NHSL2: variants seen among roughly 807,000 people sequenced by gnomAD.
NHSL2 encodes the protein NHS like 2, also known as NHS-like protein 2.
In NHSL2, 27 loss-of-function variants were observed where a neutral mutation model predicts 53.4. The ratio of observed to expected loss-of-function variants is 0.51; its 90% CI spans 0.37 to 0.70. The LOEUF (loss-of-function observed/expected upper bound fraction) is 0.70, where lower values mean the gene tolerates loss of function less well. Among genes scored for constraint, NHSL2 ranks in the 30% least tolerant of loss-of-function variants. NHSL2 has a pLI of 0.00. For missense variants in NHSL2, 892 were observed against 980.1 expected (o/e 0.91, Z 1.20); for synonymous variants, 408 against 404.1 (o/e 1.01, Z -0.12).
At chrX:72,005,135 T>A (rs1480005408) in intron 1 of NHSL2, among the ~76,000 whole-genome samples, 2 of 112,514 alleles carry the variant, frequency 1.8e-5, no homozygotes, top group East Asian at 5.6e-4. Context: ...TTAATTTTTT[T>A]AAACAACTTT....
In NHSL2 at chrX:72,143,272, G is replaced by A. The variant is rs147162390; in HGVS notation, c.3376G>A (p.Gly1126Ser). The A allele has an allele frequency of 9.5e-6, 11 of 1,155,998 alleles. No homozygotes were observed. The highest frequency in any genetic ancestry group is 3.6e-5 in the African/African-American group (2 of 55,170). The change falls in exon 8 of 8, where the codon GGC (glycine) becomes AGC (serine). Residue 1126 changes from glycine (G) to serine (S), a missense_variant. Transcript: ENST00000633930. ...ATCTAGGTCCAAAAGGAAGCTGCTC[G>A]GCTGGAAGGAACCTGGTGAGGCCTT... ...VIHRSKRKLL[G>S]WKEPGEAFVG...
At chrX:71,994,952 C>G (rs1392627607) in intron 1 of NHSL2, among the ~76,000 whole-genome samples, 2 of 111,510 alleles carry the variant, frequency 1.8e-5, no homozygotes, top group Non-Finnish European at 3.8e-5. Context: ...TAGGCATCCA[C>G]TTGGGCATCT....
At chrX:72,135,827 G>A (rs976392645) in intron 4 of NHSL2, among the ~76,000 whole-genome samples, 1 of 111,556 alleles carries the variant, frequency 9.0e-6, no homozygotes, top group African/African-American at 3.3e-5. Context: ...TTGAGCTCAG[G>A]AATTCAAGAC....
chrX:71,975,323 G>A (rs2041943501), intron 1 of NHSL2, among the ~76,000 whole-genome samples: 1 of 111,190 alleles, frequency 9.0e-6, no homozygotes, highest in Admixed American at 9.5e-5. Flanking sequence ...AATCTCTGTT[G>A]GGAGCACAAC....
intron 1 of NHSL2, among the ~76,000 whole-genome samples, chrX:71,919,934 C>T (rs1192110432): frequency 8.9e-6 from 1 of 112,842 alleles, no homozygotes; most frequent in Non-Finnish European, 1.9e-5. Context: ...CTGTTTTCTT[C>T]CCCTTGGGAT....
chrX:72,004,588 T>C (rs1401506019), intron 1 of NHSL2, among the ~76,000 whole-genome samples: 19 of 111,443 alleles, frequency 1.7e-4, no homozygotes, highest in Admixed American at 1.7e-3. Context: ...CTGGAAGTGT[T>C]TGGGGCTGTG....
intron 1 of NHSL2, among the ~76,000 whole-genome samples, chrX:72,018,229 C>G (rs1299041212): frequency 9.0e-6 from 1 of 111,381 alleles, no homozygotes; most frequent in Non-Finnish European, 1.9e-5. Context: ...GTTAGGGGGA[C>G]CATGCAGCTT....
chrX:72,075,100 G>A (rs1037308844), intron 1 of NHSL2, among the ~76,000 whole-genome samples: 2 of 111,802 alleles, frequency 1.8e-5, no homozygotes, highest in African/African-American at 6.5e-5. Context: ...TTGGAGAGAG[G>A]CAGCTACAAG....
chrX:72,085,372 C>T (rs747204334), intron 1 of NHSL2, among the ~76,000 whole-genome samples: 3 of 112,438 alleles, frequency 2.7e-5, no homozygotes, highest in South Asian at 7.4e-4. Context: ...TTAACCTGCC[C>T]GGTATGCTTT....
chrX:71,976,931 G>A (rs1295171385), intron 1 of NHSL2, among the ~76,000 whole-genome samples: 3 of 112,616 alleles, frequency 2.7e-5, no homozygotes, highest in African/African-American at 9.7e-5. Flanking sequence ...ATGATACGGG[G>A]TGGGTTGGGG....
chrX:71,954,246 G>A (rs1189967478), intron 1 of NHSL2, among the ~76,000 whole-genome samples: 3 of 111,892 alleles, frequency 2.7e-5, no homozygotes, highest in African/African-American at 9.7e-5. Flanking sequence ...AACCAGCCCA[G>A]TAGGTGTCAT....
At chrX:72,075,269 G>C (rs1054284411) in intron 1 of NHSL2, among the ~76,000 whole-genome samples, 1 of 112,159 alleles carries the variant, frequency 8.9e-6, no homozygotes, top group Non-Finnish European at 1.9e-5. Context: ...AAATGATCTG[G>C]GACATTCTCA....
chrX:72,130,092 G>A (rs750913102), intron 1 of NHSL2: 21 of 1,208,911 alleles, frequency 1.7e-5, no homozygotes, highest in Non-Finnish European at 2.2e-5. Flanking sequence ...CACTTGTGGG[G>A]CCAGAAGTCT....
chrX:71,915,065 C>T (rs1437315324), intron 1 of NHSL2, among the ~76,000 whole-genome samples: 1 of 111,444 alleles, frequency 9.0e-6, no homozygotes, highest in African/African-American at 3.3e-5. Flanking sequence ...AATTCCTGGT[C>T]TGCTTCATGG....
intron 1 of NHSL2, among the ~76,000 whole-genome samples, chrX:72,056,591 G>C (rs2042371306): frequency 9.0e-6 from 1 of 110,734 alleles, no homozygotes; most frequent in Admixed American, 9.6e-5. Flanking sequence ...CTCACACACA[G>C]ACTGGCATGT....
chrX:72,103,250 G>A (rs6625945), intron 1 of NHSL2, among the ~76,000 whole-genome samples: 45,536 of 109,768 alleles, frequency 0.41, 9,856 homozygotes, highest in African/African-American at 0.82. Context: ...ACCATATTAT[G>A]CATCGCTCCC....
rs762185137 is a variant in NHSL2, at chrX:72,001,591, C to T, written c.280+90224C>T. The stretch of plus-strand genomic sequence containing the variant: ...ACACTGAGATCCCTAATTCTTGTCA[C>T]GAGAAACCTCCTCCACTGAGACCAA... On this transcript the variant is annotated intron_variant, in intron 1 of 7. Transcript: ENST00000633930. 6.3e-5 allele frequency among the ~76,000 whole-genome samples: 7 copies of T among 111,732 alleles called. No individual in the cohort carries two copies. The South Asian group carries it at 1.5e-3, about 24-fold the overall frequency.
At chrX:71,920,897 A>C in intron 1 of NHSL2, among the ~76,000 whole-genome samples, 1 of 109,903 alleles carries the variant, frequency 9.1e-6, no homozygotes, top group Non-Finnish European at 1.9e-5. Flanking sequence ...TCTGCCTCCC[A>C]GGTTCAAGTG....
chrX:72,093,704 C>G (rs749325918), intron 1 of NHSL2, among the ~76,000 whole-genome samples: 3 of 100,767 alleles, frequency 3.0e-5, no homozygotes, highest in Non-Finnish European at 6.0e-5. Flanking sequence ...TGAATATTCC[C>G]CTAGTATAGC....
Sources: allele counts gnomAD v4.1 joint callset (sites outside exome capture counted in the v4.1 genomes callset), GRCh38; gene constraint gnomAD v4.1.1; transcripts MANE v1.5; gene names NCBI Gene and HGNC (gene_info 2026-07-23, HGNC 2026-07-21).